The following MAN1C1 variants were observed in gnomAD, a reference collection of about 807,000 sequenced individuals.
MAN1C1 encodes mannosidase alpha class 1C member 1, also known as mannosyl-oligosaccharide 1,2-alpha-mannosidase IC.
In MAN1C1, 49 loss-of-function variants were observed where a neutral mutation model predicts 71.5. The ratio of observed to expected loss-of-function variants is 0.69; its 90% CI spans 0.54 to 0.87. The LOEUF (loss-of-function observed/expected upper bound fraction) is 0.87. MAN1C1 is among the 40% of genes least tolerant of loss of function. The pLI is 0.00. For synonymous variants in MAN1C1, 352 were observed against 343.7 expected, an observed-to-expected ratio of 1.02 and a Z score of -0.27; for missense variants, 743 against 835.0, an observed-to-expected ratio of 0.89 and a Z score of 1.36.
intron 8 of MAN1C1, among the ~76,000 whole-genome samples, chr1:25,773,054 C>T (rs1327101250): frequency 6.6e-6 from 1 of 152,252 alleles, no homozygotes; most frequent in Non-Finnish European, 1.5e-5. Context: ...AAAATTATCA[C>T]AGGCACATAT....
At chr1:25,686,563 T>C (rs367872243) in intron 2 of MAN1C1, 27 bp downstream of exon 2, 104 of 1,600,200 alleles carry the variant, frequency 6.5e-5, no homozygotes, top group Non-Finnish European at 7.7e-5. Flanking sequence ...CACTTTGATA[T>C]TGGGAGGGAC....
At chr1:25,683,147 A>G (rs2046178658) in intron 1 of MAN1C1, among the ~76,000 whole-genome samples, 1 of 152,146 alleles carries the variant, frequency 6.6e-6, no homozygotes, top group African/African-American at 2.4e-5. Flanking sequence ...AAGTCCAGGT[A>G]TTACCCACGG....
rs2045312219 is a variant in MAN1C1, at chr1:25,627,312, C to T, written c.540+8975C>T. Among the ~76,000 whole-genome samples, 5 of 148,464 alleles carry T rather than the reference C, an allele frequency of 3.4e-5. No homozygotes were observed. In the South Asian group the frequency reaches 6.4e-4, roughly 19 times the overall value. On this transcript the variant is annotated intron_variant, in intron 1 of 11. Coordinates refer to ENST00000374332, the MANE Select transcript of MAN1C1 (RefSeq NM_020379.4). ...TTCTTCTCTTCTCTTCTCTTTTTCT[C>T]GCTTTGTCGCCCAGGCTGGAGTGCG...
rs938371772 is a variant in MAN1C1 at position 25,735,184 on chromosome 1, G to A, written c.638-11484G>A. Among the ~76,000 whole-genome samples, 7 of 152,228 alleles carry A rather than the reference G, an allele frequency of 4.6e-5. No individual in the cohort carries two copies. Among genetic ancestry groups the A allele is most frequent in the African/African-American group, 1.4e-4 (6 of 41,464 alleles). The stretch of plus-strand genomic sequence containing the variant: ...TCCCAGGCCTGTCTCGTGGGAGACC[G>A]AGACAGGTGGATCACTTGAGGCCAG... On this transcript the variant is annotated intron_variant, in intron 2 of 11. Transcript: ENST00000374332. The surrounding 1 kb of genome is among the most constrained non-coding windows in gnomAD (Gnocchi z 4.6).
intron 1 of MAN1C1, among the ~76,000 whole-genome samples, chr1:25,643,628 C>T (rs978168461): frequency 1.4e-5 from 2 of 147,918 alleles, no homozygotes; most frequent in Non-Finnish European, 3.0e-5. Context: ...CCTCAGCTTC[C>T]CGAGTAGCTG....
intron 1 of MAN1C1, chr1:25,658,961 G>GTGGCCC (rs1245517042): frequency 6.6e-6 from 1 of 152,594 alleles, no homozygotes; most frequent in African/African-American, 2.4e-5. Flanking sequence ...AGCAGCATCA[G>GTGGCCC]TGGCCCTGGC....
At chr1:25,715,197 T>C (rs2046664599) in intron 2 of MAN1C1, among the ~76,000 whole-genome samples, 1 of 152,126 alleles carries the variant, frequency 6.6e-6, no homozygotes, top group East Asian at 1.9e-4. Context: ...AAGCCCAAAA[T>C]TAGTGCTGGT....
Position 25,764,510 on chromosome 1 carries a change from T to G in MAN1C1, c.1141+543T>G, listed in dbSNP as rs1343655229. On this transcript the variant is annotated intron_variant, in intron 7 of 11. Coordinates refer to ENST00000374332, the MANE Select transcript of MAN1C1 (RefSeq NM_020379.4). The surrounding 1 kb of genome is among the most constrained non-coding windows in gnomAD (Gnocchi z 4.4). ...TCACTGCAACCTCTGCCTCCCAGGT[T>G]CAAGTGATTCTCCTGACTCAGCCAC... 1.3e-5 allele frequency among the ~76,000 whole-genome samples: 2 copies of G among 151,860 alleles called. No individual in the cohort carries two copies. The highest frequency in any genetic ancestry group is 1.3e-4 in the Admixed American group (2 of 15,252).
At chr1:25,752,191 A>C (rs564681827) in intron 4 of MAN1C1, among the ~76,000 whole-genome samples, 5 of 152,054 alleles carry the variant, frequency 3.3e-5, no homozygotes, top group African/African-American at 1.2e-4. Context: ...TATAAAGTAC[A>C]TTCATTTCTC....
At chr1:25,656,926 C>T (rs1250769421) in intron 1 of MAN1C1, among the ~76,000 whole-genome samples, 2 of 151,812 alleles carry the variant, frequency 1.3e-5, no homozygotes, top group Admixed American at 1.3e-4. Context: ...CCTGGGTTCA[C>T]ACCGTTCTCC....
At chr1:25,695,703 A>C (rs2124201830) in intron 2 of MAN1C1, among the ~76,000 whole-genome samples, 1 of 152,348 alleles carries the variant, frequency 6.6e-6, no homozygotes, top group South Asian at 2.1e-4. Flanking sequence ...TGTTCTTTAA[A>C]AGGCTTTCCA....
In MAN1C1 at chr1:25,617,493, GA is replaced by G. The variant is rs1278925538; in HGVS notation, c.-304del. 8 of 146,692 alleles carry G rather than the reference GA, an allele frequency of 5.5e-5. No homozygotes were observed. Among genetic ancestry groups the G allele is most frequent in the Admixed American group, 1.4e-4 (2 of 14,780 alleles). 9.1% of individuals were successfully genotyped at this position (146,692 alleles called of 1,614,324 possible). ...AAGGCGCGGGCCCCGGCGCGGCGGG[GA>G]GGGCTCGGCCGGAGGGGAGGCTGCG... On this transcript the variant is annotated 5_prime_UTR_variant, in exon 1 of 12. Coordinates refer to ENST00000374332, the MANE Select transcript of MAN1C1 (RefSeq NM_020379.4). The surrounding 1 kb of genome is among the most constrained non-coding windows in gnomAD (Gnocchi z 5.1).
intron 7 of MAN1C1, among the ~76,000 whole-genome samples, chr1:25,770,597 T>C (rs1000135350): frequency 6.6e-6 from 1 of 152,246 alleles, no homozygotes; most frequent in African/African-American, 2.4e-5. Flanking sequence ...ATGGGGCCGA[T>C]AGCACCTGCC....
Position 25,746,702 on chromosome 1 carries a change from C to T in MAN1C1, c.672C>T (p.Leu224=), listed in dbSNP as rs142965225. The stretch of plus-strand genomic sequence containing the variant: ...GCGGGGCAACAGTCATTGACTCCCT[C>T]GATACCCTCTACCTCATGGAGCTGA... The part of the protein sequence containing the change: ...GLSGATVIDS[L]DTLYLMELKE... The change falls in exon 3 of 12, where the codon CTC becomes CTT. Residue 224 remains leucine (L), a synonymous_variant. Coordinates refer to ENST00000374332, the MANE Select transcript of MAN1C1 (RefSeq NM_020379.4). This position sits in a 1 kb window ranked among gnomAD's most constrained non-coding sequence, Gnocchi z 4.0. The T allele has an allele frequency of 5.6e-6, 9 of 1,613,834 alleles. No homozygotes were observed. Among genetic ancestry groups the T allele is most frequent in the Admixed American group, 3.3e-5 (2 of 59,980 alleles).
At chr1:25,741,330 G>A (rs6679248) in intron 2 of MAN1C1, among the ~76,000 whole-genome samples, 8,365 of 152,208 alleles carry the variant, frequency 0.055, 758 homozygotes, top group African/African-American at 0.19. Context: ...GGACAGAAAG[G>A]AAGCCCAAAG....
chr1:25,677,479 G>A (rs1378190492), intron 1 of MAN1C1, among the ~76,000 whole-genome samples: 1 of 152,064 alleles, frequency 6.6e-6, no homozygotes, highest in African/African-American at 2.4e-5. Flanking sequence ...GAACCTAGTG[G>A]GGACAGGGGT....
intron 7 of MAN1C1, among the ~76,000 whole-genome samples, chr1:25,766,735 G>A (rs138109335): frequency 6.6e-6 from 1 of 152,252 alleles, no homozygotes; most frequent in Non-Finnish European, 1.5e-5. Context: ...GAGCTGCCGA[G>A]GAGGGGTCAC....
intron 1 of MAN1C1, chr1:25,646,050 A>C (rs1364989259): frequency 1.3e-5 from 2 of 152,298 alleles, no homozygotes; most frequent in African/African-American, 4.8e-5. Context: ...GGGCCGGTGC[A>C]TGTCTATTCC....
At chr1:25,668,559 CTT>C (rs1553184749) in intron 1 of MAN1C1, among the ~76,000 whole-genome samples, 6 of 141,492 alleles carry the variant, frequency 4.2e-5, no homozygotes, top group Admixed American at 7.1e-5. Flanking sequence ...TTCTTTCTTT[CTT>C]TTTTTTTTTT....
Sources: gnomAD v4.1 joint callset for allele counts (sites outside exome capture counted in the v4.1 genomes callset) on GRCh38, gnomAD v4.1.1 for gene constraint, Gnocchi (gnomAD v3.1) non-coding constraint, MANE v1.5 for transcripts, NCBI Gene and HGNC (gene_info 2026-07-23, HGNC 2026-07-21) for gene names.